DTHD1: variants seen among roughly 807,000 people sequenced by gnomAD.
DTHD1 encodes death domain-containing protein 1.
In DTHD1, 59 loss-of-function variants were observed where a neutral mutation model predicts 74.8. The observed-to-expected ratio is 0.79, with a 90% confidence interval of 0.64 to 0.98. The LOEUF is 0.98. DTHD1 is among the 50% of genes least tolerant of loss of function. The probability of loss-of-function intolerance (pLI) is 0.00; values close to 1 mark genes in which losing one functional copy is unlikely to be tolerated. For missense variants in DTHD1, 1,051 were observed against 1,065.4 expected (o/e 0.99, Z 0.19); for synonymous variants, 365 against 371.1 (o/e 0.98, Z 0.19).
At chr4:36,336,356 T>TGTC (rs1487406067) in intron 8 of DTHD1, among the ~76,000 whole-genome samples, 1 of 151,956 alleles carries the variant, frequency 6.6e-6, no homozygotes, top group Non-Finnish European at 1.5e-5. Context: ...TGGCACCTTT[T>TGTC]GTTGTTGTTG....
chr4:36,324,576 G>A (rs1319043487), intron 8 of DTHD1, among the ~76,000 whole-genome samples: 1 of 151,890 alleles, frequency 6.6e-6, no homozygotes, highest in East Asian at 1.9e-4. Flanking sequence ...TTTTTCTTCT[G>A]TAGATGTATT....
intron 5 of DTHD1, among the ~76,000 whole-genome samples, chr4:36,303,638 A>G (rs542066917): frequency 1.1e-4 from 17 of 152,320 alleles, no homozygotes; most frequent in African/African-American, 3.1e-4. Flanking sequence ...AATATGCATA[A>G]AAGTGCAGGG....
At chr4:36,293,042 A>G (rs764972281) in intron 3 of DTHD1, among the ~76,000 whole-genome samples, 1 of 152,242 alleles carries the variant, frequency 6.6e-6, no homozygotes. Context: ...AACCTAAGAT[A>G]CTGTGAGCTA....
chr4:36,282,109 C>A, intron 1 of DTHD1, 80 bp downstream of exon 1: 2 of 1,187,322 alleles, frequency 1.7e-6, no homozygotes, highest in East Asian at 2.8e-5. Flanking sequence ...TATGAGTATA[C>A]CAGATAGGCT....
chr4:36,290,775 T>C (rs576679895), intron 3 of DTHD1, 72 bp downstream of exon 3: 3 of 1,221,202 alleles, frequency 2.5e-6, no homozygotes, highest in South Asian at 1.5e-5. Flanking sequence ...GACTAACAGA[T>C]TGTAGTGTAG....
At chr4:36,299,361 C>G (rs890693796) in intron 5 of DTHD1, among the ~76,000 whole-genome samples, 1 of 152,120 alleles carries the variant, frequency 6.6e-6, no homozygotes, top group East Asian at 1.9e-4. Flanking sequence ...TTATGCCACT[C>G]TTTATTGCTG....
intron 8 of DTHD1, among the ~76,000 whole-genome samples, chr4:36,338,232 A>C (rs1759120238): frequency 6.6e-6 from 1 of 152,188 alleles, no homozygotes. Context: ...ACCTTTTGAG[A>C]CTAGAATATT....
At chr4:36,333,752 G>C (rs1758837780) in intron 8 of DTHD1, 1 of 152,490 alleles carries the variant, frequency 6.6e-6, no homozygotes, top group South Asian at 2.1e-4. Context: ...AGATGCATGG[G>C]GAGAAGCTGC....
chr4:36,291,420 CAT>C (rs142094185), intron 3 of DTHD1, among the ~76,000 whole-genome samples: 2,264 of 152,316 alleles, frequency 0.015, 46 homozygotes, highest in African/African-American at 0.052. Flanking sequence ...CCTATAAACA[CAT>C]GTTAGTTGTT....
chr4:36,298,594 C>G (rs1313074206), intron 5 of DTHD1, among the ~76,000 whole-genome samples: 1 of 152,026 alleles, frequency 6.6e-6, no homozygotes, highest in East Asian at 1.9e-4. Flanking sequence ...AAAAAGCAAT[C>G]CATACCCCAT....
chr4:36,303,860 G>T (rs779740265), intron 5 of DTHD1, among the ~76,000 whole-genome samples: 8 of 152,156 alleles, frequency 5.3e-5, no homozygotes, highest in African/African-American at 1.9e-4. Context: ...GCCACTGTTC[G>T]GTTGCTATCA....
At chr4:36,316,908 T>C (rs1320170172) in intron 8 of DTHD1, among the ~76,000 whole-genome samples, 2 of 152,344 alleles carry the variant, frequency 1.3e-5, no homozygotes, top group East Asian at 3.9e-4. Flanking sequence ...GGTTGTTTCA[T>C]GAGTTATGTT....
At chr4:36,336,861 T>A (rs1213902856) in intron 8 of DTHD1, among the ~76,000 whole-genome samples, 2 of 151,994 alleles carry the variant, frequency 1.3e-5, no homozygotes, top group African/African-American at 4.8e-5. Context: ...AGTTACAGAG[T>A]TAGACTTGGA....
chr4:36,315,012 A>G (rs1757632063), intron 7 of DTHD1, among the ~76,000 whole-genome samples: 1 of 152,234 alleles, frequency 6.6e-6, no homozygotes, highest in Non-Finnish European at 1.5e-5. Flanking sequence ...GACAAGTATT[A>G]ACAGATAAAT....
chr4:36,284,982 T>C (rs1755616477), intron 2 of DTHD1, among the ~76,000 whole-genome samples: 3 of 152,190 alleles, frequency 2.0e-5, no homozygotes, highest in South Asian at 2.1e-4. Flanking sequence ...AGGATTTCAA[T>C]GCATGAATTT....
intron 8 of DTHD1, among the ~76,000 whole-genome samples, chr4:36,318,013 T>G (rs1757827541): frequency 6.6e-6 from 1 of 152,248 alleles, no homozygotes; most frequent in Non-Finnish European, 1.5e-5. Context: ...ACCATTGTAA[T>G]AATGTCTAAT....
intron 5 of DTHD1, among the ~76,000 whole-genome samples, chr4:36,299,469 T>A (rs1027386194): frequency 4.6e-5 from 7 of 152,206 alleles, no homozygotes; most frequent in Non-Finnish European, 1.0e-4. Context: ...ACTTGGTGTT[T>A]TGCGTCTATG....
At chr4:36,315,975 G>T (rs1434512243) in intron 7 of DTHD1, among the ~76,000 whole-genome samples, 4 of 152,154 alleles carry the variant, frequency 2.6e-5, no homozygotes, top group Admixed American at 6.5e-5. Context: ...TCCTTCTAGC[G>T]CCCAGGCTGG....
At chr4:36,338,976 T>C in intron 8 of DTHD1, 136 bp from the exon 9 acceptor site, 2 of 655,400 alleles carry the variant, frequency 3.1e-6, no homozygotes, top group Admixed American at 5.6e-5. Flanking sequence ...CATGCACAAA[T>C]ACAGTATTTA....
Sources: allele counts gnomAD v4.1 joint callset (sites outside exome capture counted in the v4.1 genomes callset), GRCh38; gene constraint gnomAD v4.1.1; transcripts MANE v1.5; gene names NCBI Gene and HGNC (gene_info 2026-07-23, HGNC 2026-07-21).